DUSP22: variants seen among roughly 807,000 people sequenced by gnomAD.
DUSP22 encodes the protein dual specificity phosphatase 22.
Under a neutral mutation model 24.5 loss-of-function variants are expected in DUSP22, and 24 were observed. That is an observed-to-expected ratio of 0.98 (90% CI 0.71 to 1.38). The LOEUF (loss-of-function observed/expected upper bound fraction) is 1.38, where lower values mean the gene tolerates loss of function less well. DUSP22 is among the 40% of genes most tolerant of loss of function. The pLI is 0.00. For missense variants in DUSP22, 330 were observed against 269.2 expected (o/e 1.23, Z -1.58); for synonymous variants, 160 against 106.4 (o/e 1.50, Z -3.10).
chr6:309,628 C>T (rs1383203201), intron 2 of DUSP22, among the ~76,000 whole-genome samples: 10 of 152,206 alleles, frequency 6.6e-5, no homozygotes, highest in African/African-American at 2.2e-4. Context: ...ATCTTTCTAA[C>T]TAGCCTCTTG....
At chr6:337,413 G>A (rs372254156) in intron 4 of DUSP22, among the ~76,000 whole-genome samples, 1,067 of 152,098 alleles carry the variant, frequency 7.0e-3, no homozygotes, top group Non-Finnish European at 0.01. Context: ...TATCTTGAGA[G>A]TTACAGAAAA....
At chr6:332,181 G>C (rs567896708) in intron 3 of DUSP22, among the ~76,000 whole-genome samples, 1 of 152,302 alleles carries the variant, frequency 6.6e-6, no homozygotes, top group Non-Finnish European at 1.5e-5. Context: ...TATCATTGCT[G>C]TTGTCATTCT....
intron 4 of DUSP22, among the ~76,000 whole-genome samples, chr6:337,453 A>G (rs1759407608): frequency 6.6e-6 from 1 of 152,420 alleles, no homozygotes; most frequent in South Asian, 2.1e-4. Flanking sequence ...TTTGGTGCCC[A>G]GGAAGCCTGC....
At chr6:311,075 G>GA (rs777415468) in intron 2 of DUSP22, among the ~76,000 whole-genome samples, 37 of 152,276 alleles carry the variant, frequency 2.4e-4, no homozygotes, top group Non-Finnish European at 4.6e-4. Flanking sequence ...AAAAAAAGAC[G>GA]AATCAGGAGA....
At chr6:327,548 C>T (rs1220282515) in intron 3 of DUSP22, among the ~76,000 whole-genome samples, 1 of 152,422 alleles carries the variant, frequency 6.6e-6, no homozygotes. Flanking sequence ...ATGACCACAG[C>T]CGTGGGAGTT....
intron 3 of DUSP22, among the ~76,000 whole-genome samples, chr6:319,587 C>T (rs1467653001): frequency 2.0e-5 from 3 of 152,422 alleles, no homozygotes; most frequent in Non-Finnish European, 4.4e-5. Context: ...GGGGATACAG[C>T]TTGAAGCACT....
Position 311,929 on chromosome 6 carries a change from G to T in DUSP22, c.105G>T (p.Leu35=). 1.2e-6 allele frequency: 2 copies of T among 1,612,824 alleles called. No individual in the cohort carries two copies. The highest frequency in any genetic ancestry group is 1.7e-6 in the Non-Finnish European group (2 of 1,179,202). The change falls in exon 3 of 7, where the codon CTG becomes CTT. Residue 35 remains leucine, a synonymous_variant. Transcript: ENST00000419235. The part of the protein sequence containing the change: ...QLSKNKVTHI[L]SVHDSARPML... ...GCAAGAACAAGGTGACACATATTCT[G>T]TCTGTCCACGATAGTGCCAGGCCTA...
chr6:335,526 A>T (rs1759323451), intron 4 of DUSP22, among the ~76,000 whole-genome samples: 1 of 152,296 alleles, frequency 6.6e-6, no homozygotes, highest in Non-Finnish European at 1.5e-5. Context: ...CAATAGAAAT[A>T]GATAGTGAGC....
At position 311,939 on chromosome 6, in the gene DUSP22, G is replaced by A. The variant is rs1469443817; in HGVS notation, c.115G>A (p.Asp39Asn). ...GGTGACACATATTCTGTCTGTCCAC[G>A]ATAGTGCCAGGCCTATGTTGGAGGT... is the stretch of plus-strand genomic sequence containing the variant. ...NKVTHILSVH[D>N]SARPMLEGVK... Residue 39 changes from aspartate to asparagine, a missense_variant, in exon 3 of 7, where the codon GAT (aspartate) becomes AAT (asparagine). Coordinates refer to ENST00000419235, the MANE Select transcript of DUSP22 (RefSeq NM_001286555.3). 4.3e-6 allele frequency: 7 copies of A among 1,612,520 alleles called. No individual in the cohort carries two copies. The highest frequency in any genetic ancestry group is 2.2e-5 in the South Asian group (2 of 90,970).
intron 1 of DUSP22, among the ~76,000 whole-genome samples, chr6:303,982 C>CT (rs1474820948): frequency 6.6e-6 from 1 of 152,306 alleles, no homozygotes; most frequent in Admixed American, 6.5e-5. Context: ...TCTTCTTAAC[C>CT]TGCATATATG....
intron 4 of DUSP22, among the ~76,000 whole-genome samples, chr6:337,396 A>G (rs1355934686): frequency 1.3e-5 from 2 of 152,300 alleles, no homozygotes; most frequent in Admixed American, 1.3e-4. Flanking sequence ...CTCAGCGTAT[A>G]TTAATGTATC....
chr6:339,146 C>T (rs1448003888), intron 4 of DUSP22, among the ~76,000 whole-genome samples: 4 of 152,300 alleles, frequency 2.6e-5, no homozygotes, highest in Admixed American at 6.5e-5. Context: ...TGATTAGAGG[C>T]GTCCTAGAGT....
At chr6:319,310 C>T (rs1248863618) in intron 3 of DUSP22, among the ~76,000 whole-genome samples, 1 of 152,302 alleles carries the variant, frequency 6.6e-6, no homozygotes, top group African/African-American at 2.4e-5. Flanking sequence ...GGAAGGTGAT[C>T]TGTGTTTGGC....
At chr6:337,713 G>A (rs915932229) in intron 4 of DUSP22, among the ~76,000 whole-genome samples, 3 of 152,296 alleles carry the variant, frequency 2.0e-5, no homozygotes, top group Non-Finnish European at 2.9e-5. Flanking sequence ...GACTTTTAGC[G>A]CATCCGTCAC....
At chr6:323,380 C>A (rs1226281623) in intron 3 of DUSP22, among the ~76,000 whole-genome samples, 1 of 152,300 alleles carries the variant, frequency 6.6e-6, no homozygotes, top group East Asian at 1.9e-4. Flanking sequence ...GCAGGGGCAT[C>A]GCCAGCTAGC....
At chr6:338,309 A>C (rs1341102085) in intron 4 of DUSP22, among the ~76,000 whole-genome samples, 1 of 152,312 alleles carries the variant, frequency 6.6e-6, no homozygotes, top group Non-Finnish European at 1.5e-5. Flanking sequence ...GCAGGCGATG[A>C]AATAGCTTGA....
intron 1 of DUSP22, among the ~76,000 whole-genome samples, chr6:302,755 TCCTGACAC>T (rs1757642412): frequency 6.6e-6 from 1 of 152,310 alleles, no homozygotes; most frequent in African/African-American, 2.4e-5. Flanking sequence ...TAAAAAGTGA[TCCTGACAC>T]TTGGTTAAGC....
chr6:299,561 A>T (rs924377974), intron 1 of DUSP22, among the ~76,000 whole-genome samples: 1 of 152,304 alleles, frequency 6.6e-6, no homozygotes, highest in Admixed American at 6.5e-5. Flanking sequence ...ACAGAGAGGG[A>T]TTGAGCAACC....
At chr6:318,231 A>G (rs1758422554) in intron 3 of DUSP22, among the ~76,000 whole-genome samples, 1 of 152,304 alleles carries the variant, frequency 6.6e-6, no homozygotes. Context: ...TTGGCTCTAC[A>G]AAGAGGACCA....
Sources: allele counts gnomAD v4.1 joint callset (sites outside exome capture counted in the v4.1 genomes callset), GRCh38; gene constraint gnomAD v4.1.1; transcripts MANE v1.5; gene names NCBI Gene and HGNC (gene_info 2026-07-23, HGNC 2026-07-21).